TNR: variants seen among roughly 807,000 people sequenced by gnomAD.
TNR encodes tenascin R.
In TNR, 45 loss-of-function variants were observed where a neutral mutation model predicts 150.4. The observed-to-expected ratio is 0.30, with a 90% CI of 0.24 to 0.38. The LOEUF is 0.38. Among genes scored for constraint, TNR ranks in the 10% least tolerant of loss-of-function variants. The probability of loss-of-function intolerance (pLI) is 1.00; values close to 1 mark genes in which losing one functional copy is unlikely to be tolerated. For synonymous variants in TNR, 687 were observed against 678.4 expected, an observed-to-expected ratio of 1.01 and a Z score of -0.20; for missense variants, 1,544 against 1,759.1, an observed-to-expected ratio of 0.88 and a Z score of 2.19.
intron 1 of TNR, among the ~76,000 whole-genome samples, chr1:175,667,657 T>A (rs1163040655): frequency 6.6e-6 from 1 of 152,164 alleles, no homozygotes; most frequent in Non-Finnish European, 1.5e-5. Flanking sequence ...GGATGGGCAT[T>A]GTCGGGAGCA....
At chr1:175,476,037 C>T (rs965299875) in intron 2 of TNR, among the ~76,000 whole-genome samples, 1 of 152,142 alleles carries the variant, frequency 6.6e-6, no homozygotes, top group Non-Finnish European at 1.5e-5. Flanking sequence ...AAACGCAGCC[C>T]AAATTGGAGA....
At chr1:175,560,123 G>A (rs1661362681) in intron 1 of TNR, among the ~76,000 whole-genome samples, 1 of 152,174 alleles carries the variant, frequency 6.6e-6, no homozygotes, top group Non-Finnish European at 1.5e-5. Context: ...TCTTAAACCA[G>A]GTATCCCCAG....
chr1:175,362,554 G>A, intron 14 of TNR, 109 bp downstream of exon 14: 1 of 1,380,392 alleles, frequency 7.2e-7, no homozygotes, highest in Non-Finnish European at 9.9e-7. Context: ...AGTTGGAGGA[G>A]CACCCCGAAA....
At chr1:175,366,178 C>A in intron 10 of TNR, 40 bp from the exon 11 acceptor site, 1 of 1,542,044 alleles carries the variant, frequency 6.5e-7, no homozygotes, top group South Asian at 1.3e-5. Context: ...CATGTGTTCC[C>A]CTGGAGGGCA....
At chr1:175,673,353 T>C (rs1448858645) in intron 1 of TNR, among the ~76,000 whole-genome samples, 1 of 152,180 alleles carries the variant, frequency 6.6e-6, no homozygotes, top group Non-Finnish European at 1.5e-5. Context: ...GGGGAGGCAA[T>C]TAAACAGACA....
At position 175,456,030 on chromosome 1, in the gene TNR, C is replaced by T. The variant is rs549006150; in HGVS notation, c.-63-49253G>A. ...TCAAGATGTGTGGTCACCTCACCTACGTGCCAGCTCTAAGGCCTGTTGTAC... is the reference window on the plus strand; with the variant it reads ...TCAAGATGTGTGGTCACCTCACCTATGTGCCAGCTCTAAGGCCTGTTGTAC... On this transcript the variant is annotated intron_variant, in intron 2 of 22. Transcript: ENST00000367674. Among the ~76,000 whole-genome samples, 78 of 152,314 alleles carry T rather than the reference C, an allele frequency of 5.1e-4. No individual in the cohort carries two copies. In the South Asian group the frequency reaches 0.011, roughly 21 times the overall value.
chr1:175,561,717 A>G (rs1223304041), intron 1 of TNR, among the ~76,000 whole-genome samples: 2 of 152,210 alleles, frequency 1.3e-5, no homozygotes, highest in Non-Finnish European at 2.9e-5. Flanking sequence ...TTGCAAAATG[A>G]TAGGAGTGCA....
chr1:175,445,589 C>T (rs536597393), intron 2 of TNR, among the ~76,000 whole-genome samples: 1 of 152,262 alleles, frequency 6.6e-6, no homozygotes, highest in Admixed American at 6.5e-5. Context: ...TTACAGGTCC[C>T]AGAGCAGCCA....
At chr1:175,580,770 A>G (rs764431213) in intron 1 of TNR, among the ~76,000 whole-genome samples, 12 of 152,246 alleles carry the variant, frequency 7.9e-5, no homozygotes, top group Admixed American at 2.6e-4. Context: ...GATACGGTCA[A>G]TTAAGGGCAG....
At chr1:175,444,343 G>A (rs906665335) in intron 2 of TNR, among the ~76,000 whole-genome samples, 1 of 152,132 alleles carries the variant, frequency 6.6e-6, no homozygotes, top group Non-Finnish European at 1.5e-5. Flanking sequence ...ACTCAATGGA[G>A]GCCTTAAATG....
intron 1 of TNR, among the ~76,000 whole-genome samples, chr1:175,559,317 AAT>A (rs1661320887): frequency 6.6e-6 from 1 of 152,214 alleles, no homozygotes; most frequent in African/African-American, 2.4e-5. Context: ...ATTTCATTAT[AAT>A]ATGTTTTTAA....
intron 1 of TNR, among the ~76,000 whole-genome samples, chr1:175,706,698 C>A (rs930807319): frequency 6.6e-6 from 1 of 152,084 alleles, no homozygotes; most frequent in Non-Finnish European, 1.5e-5. Context: ...TCCCTATGAC[C>A]CTTCCATTCA....
At chr1:175,480,859 T>C (rs987297983) in intron 2 of TNR, among the ~76,000 whole-genome samples, 8 of 152,206 alleles carry the variant, frequency 5.3e-5, no homozygotes, top group Non-Finnish European at 1.2e-4. Context: ...CTCATTGTAC[T>C]ACCTCATGTT....
chr1:175,466,534 C>T (rs542668148), intron 2 of TNR, among the ~76,000 whole-genome samples: 13 of 152,342 alleles, frequency 8.5e-5, no homozygotes, highest in Admixed American at 7.8e-4. Context: ...AGTCCTGGCC[C>T]TGGATCTCTG....
intron 1 of TNR, among the ~76,000 whole-genome samples, chr1:175,689,016 G>C (rs1336067590): frequency 6.6e-6 from 1 of 152,226 alleles, no homozygotes; most frequent in Non-Finnish European, 1.5e-5. Flanking sequence ...ACCTCAGGGG[G>C]CTCCCAGTCT....
Position 175,319,176 on chromosome 1 carries a change from G to A in TNR, c.*4181C>T, listed in dbSNP as rs570645598. 10 of 152,296 alleles carry A rather than the reference G, an allele frequency of 6.6e-5. No individual in the cohort carries two copies. Among genetic ancestry groups the A allele is most frequent in the African/African-American group, 4.8e-5 (2 of 41,546 alleles). 9.4% of individuals were successfully genotyped at this position (152,296 alleles called of 1,614,324 possible). Reference sequence around the variant, plus strand: ...CACCTTTCCTGAAATTCTGGGTGGAGGTTACAAAAAAGAAAAAGAAAAAGA... The same window carrying A: ...CACCTTTCCTGAAATTCTGGGTGGAAGTTACAAAAAAGAAAAAGAAAAAGA... On this transcript the variant is annotated 3_prime_UTR_variant, in exon 23 of 23. Transcript: ENST00000367674.
At chr1:175,465,658 G>A (rs1395567849) in intron 2 of TNR, among the ~76,000 whole-genome samples, 1 of 152,206 alleles carries the variant, frequency 6.6e-6, no homozygotes, top group Non-Finnish European at 1.5e-5. Context: ...GGAAAGGAAA[G>A]GAGGAAGGAA....
Position 175,362,674 on chromosome 1 carries a change from A to G in TNR, c.2843T>C (p.Leu948Pro), listed in dbSNP as rs746477006. The change falls in exon 14 of 23, where the codon CTT becomes CCT. Residue 948 changes from leucine (L) to proline (P), a missense_variant. This residue lies in a region of TNR where 1,254 missense variants were observed against 1,329.4 expected (regional missense o/e 0.94). Coordinates refer to ENST00000367674, the MANE Select transcript of TNR (RefSeq NM_003285.3). Reference protein sequence around the residue: ...GREESERICTLVHTAMDNPVD... With the variant: ...GREESERICTPVHTAMDNPVD... ...GGAGACATTCCCACCTGTGTGCACA[A>G]GAGTACAGATGCGCTCGCTTTCCTC... 6.2e-7 allele frequency: 1 copy of G among 1,613,982 alleles called. No homozygotes were observed. The highest frequency in any genetic ancestry group is 2.2e-5 in the East Asian group (1 of 44,880).
At chr1:175,468,791 G>A (rs1016115933) in intron 2 of TNR, among the ~76,000 whole-genome samples, 1 of 152,162 alleles carries the variant, frequency 6.6e-6, no homozygotes, top group Non-Finnish European at 1.5e-5. Context: ...GCCAGTAGCA[G>A]GAGGAGGTGG....
Sources: gnomAD v4.1 joint callset for allele counts (sites outside exome capture counted in the v4.1 genomes callset) on GRCh38, gnomAD v4.1.1 for gene constraint, gnomAD v4.1.1 regional missense constraint, MANE v1.5 for transcripts, NCBI Gene and HGNC (gene_info 2026-07-23, HGNC 2026-07-21) for gene names.